The following CTNND2 variants were observed in gnomAD, a reference collection of about 807,000 sequenced individuals.
CTNND2 encodes catenin delta-2.
Under a neutral mutation model 144.4 loss-of-function variants are expected in CTNND2, and 22 were observed. The ratio of observed to expected loss-of-function variants is 0.15; its 90% CI spans 0.11 to 0.22. The LOEUF is 0.22. Ranked by LOEUF, CTNND2 falls within the 10% of genes least tolerant of loss-of-function variation. The pLI is 1.00. For synonymous variants in CTNND2, 751 were observed against 695.6 expected (o/e 1.08, Z -1.25); for missense variants, 1,353 against 1,618.8 (o/e 0.84, Z 2.82).
At chr5:11,210,820 C>T (rs1314167968) in intron 10 of CTNND2, among the ~76,000 whole-genome samples, 3 of 152,136 alleles carry the variant, frequency 2.0e-5, no homozygotes, top group African/African-American at 7.2e-5. Context: ...CAAATGTTTC[C>T]TGTGGGCCTT....
In CTNND2 at chr5:10,992,540, C is replaced by A; in HGVS notation, c.3211+11G>T. On this transcript the variant is annotated intron_variant, in intron 19 of 21. Coordinates refer to ENST00000304623, the MANE Select transcript of CTNND2 (RefSeq NM_001332.4). ...ATAAAGCCTGGCTGGCTAGCCACGG[C>A]AGCCTCTTACCTGAGCGGTTGTTGG... 6.2e-7 allele frequency: 1 copy of A among 1,613,792 alleles called. No individual in the cohort carries two copies. The highest frequency in any genetic ancestry group is 8.5e-7 in the Non-Finnish European group (1 of 1,180,014).
intron 9 of CTNND2, among the ~76,000 whole-genome samples, chr5:11,280,165 G>C (rs1746972068): frequency 6.6e-6 from 1 of 152,094 alleles, no homozygotes; most frequent in Non-Finnish European, 1.5e-5. Flanking sequence ...TCTATAAGCA[G>C]CATTTATTGT....
intron 1 of CTNND2, among the ~76,000 whole-genome samples, chr5:11,827,345 T>C (rs1363722963): frequency 1.3e-5 from 2 of 152,182 alleles, no homozygotes; most frequent in East Asian, 1.9e-4. Flanking sequence ...ATGTGCTGCA[T>C]TAAATCCTTC....
chr5:11,584,933 T>A (rs1340047996), intron 2 of CTNND2, among the ~76,000 whole-genome samples: 1 of 152,186 alleles, frequency 6.6e-6, no homozygotes, highest in Non-Finnish European at 1.5e-5. Flanking sequence ...AATACATGAT[T>A]TAGTATTTTA....
chr5:11,372,543 G>T (rs944222925), intron 7 of CTNND2, among the ~76,000 whole-genome samples: 4 of 152,126 alleles, frequency 2.6e-5, no homozygotes, highest in African/African-American at 9.7e-5. Flanking sequence ...CAAAGAACCG[G>T]TAGGAACCTA....
intron 8 of CTNND2, among the ~76,000 whole-genome samples, chr5:11,354,797 C>T (rs546217716): frequency 3.9e-5 from 6 of 152,282 alleles, no homozygotes; most frequent in African/African-American, 1.4e-4. Flanking sequence ...CTTCAGAATA[C>T]ACATTCTTCT....
intron 1 of CTNND2, among the ~76,000 whole-genome samples, chr5:11,881,382 A>G (rs1736099563): frequency 6.6e-6 from 1 of 151,928 alleles, no homozygotes; most frequent in African/African-American, 2.4e-5. Context: ...CTTATCCCTC[A>G]TAGCTAAATG....
chr5:11,420,178 C>CT (rs1762255337), intron 3 of CTNND2, among the ~76,000 whole-genome samples: 1 of 152,042 alleles, frequency 6.6e-6, no homozygotes, highest in African/African-American at 2.4e-5. Context: ...AAAAAATTAG[C>CT]TGGATGTGTT....
chr5:11,471,844 T>C (rs554188600), intron 3 of CTNND2, among the ~76,000 whole-genome samples: 3 of 152,326 alleles, frequency 2.0e-5, no homozygotes, highest in Admixed American at 2.0e-4. Flanking sequence ...TGGCATTAAT[T>C]CCCAAAGTGA....
chr5:11,226,220 A>G (rs1561050849), intron 10 of CTNND2, among the ~76,000 whole-genome samples: 1 of 152,094 alleles, frequency 6.6e-6, no homozygotes, highest in Non-Finnish European at 1.5e-5. Flanking sequence ...TGCCTTAGAG[A>G]TCTAGCTCTG....
chr5:11,181,852 ATGTG>A (rs982981327), intron 11 of CTNND2, among the ~76,000 whole-genome samples: 2 of 36,324 alleles, frequency 5.5e-5, no homozygotes, highest in African/African-American at 3.0e-4. Flanking sequence ...GTGTGTGTGG[ATGTG>A]TGTGTGTGTT....
At chr5:11,688,892 A>C (rs1456535009) in intron 2 of CTNND2, among the ~76,000 whole-genome samples, 1 of 152,232 alleles carries the variant, frequency 6.6e-6, no homozygotes, top group African/African-American at 2.4e-5. Flanking sequence ...CAAAGCAGGA[A>C]GAATTCCATT....
intron 1 of CTNND2, among the ~76,000 whole-genome samples, chr5:11,874,770 T>A (rs982669666): frequency 2.0e-5 from 3 of 152,234 alleles, no homozygotes; most frequent in African/African-American, 7.2e-5. Flanking sequence ...TGTGGATAAC[T>A]GAAACCTGAA....
intron 9 of CTNND2, among the ~76,000 whole-genome samples, chr5:11,257,051 T>C (rs1744325430): frequency 6.6e-6 from 1 of 152,252 alleles, no homozygotes; most frequent in Admixed American, 6.5e-5. Context: ...ATATTTCTGA[T>C]ACAGCAAGAG....
chr5:10,995,960 G>A (rs1452561214), intron 18 of CTNND2, among the ~76,000 whole-genome samples: 1 of 152,164 alleles, frequency 6.6e-6, no homozygotes, highest in Non-Finnish European at 1.5e-5. Context: ...GGAGCTTAGA[G>A]AACAGAGAGA....
At chr5:10,984,091 G>A (rs948190586) in intron 20 of CTNND2, among the ~76,000 whole-genome samples, 39 of 152,132 alleles carry the variant, frequency 2.6e-4, no homozygotes, top group African/African-American at 8.9e-4. Context: ...ACCCTGATCA[G>A]TTTCTTCTTC....
chr5:11,660,842 A>G (rs999688477), intron 2 of CTNND2, among the ~76,000 whole-genome samples: 5 of 152,174 alleles, frequency 3.3e-5, no homozygotes, highest in African/African-American at 9.7e-5. Flanking sequence ...AAATAAAGTT[A>G]AAGTACACAA....
At chr5:11,633,192 C>T (rs975320122) in intron 2 of CTNND2, among the ~76,000 whole-genome samples, 1 of 152,142 alleles carries the variant, frequency 6.6e-6, no homozygotes, top group African/African-American at 2.4e-5. Context: ...TATCCAGACA[C>T]ATCAGAGTTA....
chr5:11,385,301 GC>G, intron 6 of CTNND2, 72 bp from the exon 7 acceptor site: 1 of 998,088 alleles, frequency 1.0e-6, no homozygotes, highest in Non-Finnish European at 1.2e-6. Flanking sequence ...GCCCAGCCCG[GC>G]CCCGAGAGCA....
Sources: allele counts gnomAD v4.1 joint callset (sites outside exome capture counted in the v4.1 genomes callset), GRCh38; gene constraint gnomAD v4.1.1; transcripts MANE v1.5; gene names NCBI Gene and HGNC (gene_info 2026-07-23, HGNC 2026-07-21).